The following CSGALNACT1 variants were observed in gnomAD, a reference collection of about 807,000 sequenced individuals.
CSGALNACT1 encodes chondroitin sulfate N-acetylgalactosaminyltransferase 1.
CSGALNACT1 carries 52 observed loss-of-function variants against 51.0 expected under a neutral mutation model. The observed-to-expected ratio is 1.02, with a 90% CI of 0.82 to 1.29. CSGALNACT1 has a LOEUF of 1.29. Ranked by LOEUF, CSGALNACT1 falls within the 50% of genes most tolerant of loss-of-function variation. The probability of loss-of-function intolerance (pLI) is 0.00; values close to 1 mark genes in which losing one functional copy is unlikely to be tolerated. For missense variants in CSGALNACT1, 935 were observed against 679.2 expected, an observed-to-expected ratio of 1.38 and a Z score of -4.19; for synonymous variants, 341 against 254.4, an observed-to-expected ratio of 1.34 and a Z score of -3.24.
chr8:19,611,044 C>T (rs575062393), intron 1 of CSGALNACT1, among the ~76,000 whole-genome samples: 1 of 152,182 alleles, frequency 6.6e-6, no homozygotes, highest in Non-Finnish European at 1.5e-5. Flanking sequence ...CTCCCCCTGT[C>T]GCACGCCCTG....
chr8:19,405,759 C>CCA (rs2054008834), exon 10 of CSGALNACT1: 1 of 1,613,858 alleles, frequency 6.2e-7, no homozygotes, highest in South Asian at 1.1e-5. Flanking sequence ...AAAGTGTCTC[C>CCA]CACAATCCTT....
At chr8:19,491,219 GAATA>G (rs1174333165) in intron 4 of CSGALNACT1, among the ~76,000 whole-genome samples, 5 of 151,938 alleles carry the variant, frequency 3.3e-5, no homozygotes, top group Non-Finnish European at 7.4e-5. Flanking sequence ...AATATTTACT[GAATA>G]AATGATTTTT....
intron 6 of CSGALNACT1, among the ~76,000 whole-genome samples, chr8:19,430,585 C>A (rs531595342): frequency 6.6e-6 from 1 of 152,270 alleles, no homozygotes; most frequent in South Asian, 2.1e-4. Flanking sequence ...ATAGCAGTAG[C>A]AAAGTCTTAA....
intron 7 of CSGALNACT1, 102 bp downstream of exon 6, chr8:19,420,238 A>T (rs1477226277): frequency 3.7e-6 from 4 of 1,076,994 alleles, no homozygotes; most frequent in Non-Finnish European, 5.7e-6. Flanking sequence ...AAACAGGCTG[A>T]TTCAGAAGCA....
intron 5 of CSGALNACT1, among the ~76,000 whole-genome samples, chr8:19,448,997 C>G (rs1053590248): frequency 2.6e-5 from 4 of 152,034 alleles, no homozygotes; most frequent in Non-Finnish European, 5.9e-5. Flanking sequence ...GGGTCATCTC[C>G]CCTCCCCTGT....
intron 2 of CSGALNACT1, among the ~76,000 whole-genome samples, chr8:19,600,888 A>G (rs1306012207): frequency 6.6e-6 from 1 of 150,940 alleles, no homozygotes; most frequent in Non-Finnish European, 1.5e-5. Flanking sequence ...TAAATGAAGG[A>G]GGAAGGTGAA....
rs1343387935 is a variant in CSGALNACT1 at position 19,557,977 on chromosome 8, A to G, written c.-297+33183T>C. ...ACAAAAGACATGTAAAAATGAAAAC[A>G]TAAACAAGTAAACAAATACAGTCCC... On this transcript the variant is annotated intron_variant, in intron 3 of 9. Transcript: ENST00000454498. Among the ~76,000 whole-genome samples, 6 of 152,360 alleles carry G rather than the reference A, an allele frequency of 3.9e-5. No individual in the cohort carries two copies. In the East Asian group the frequency reaches 1.2e-3, roughly 29 times the overall value.
At chr8:19,690,504 C>T (rs2061244577) in intron 1 of CSGALNACT1, among the ~76,000 whole-genome samples, 1 of 152,152 alleles carries the variant, frequency 6.6e-6, no homozygotes, top group African/African-American at 2.4e-5. Flanking sequence ...TCTCCTAACT[C>T]AGAGTTTGAC....
At chr8:19,505,671 T>G (rs746914143) in exon 4 of CSGALNACT1, 1 of 1,614,036 alleles carries the variant, frequency 6.2e-7, no homozygotes, top group Non-Finnish European at 8.5e-7. Context: ...CTGGTACCCC[T>G]CCTTCCCCGT....
chr8:19,571,358 T>G (rs906663649), intron 3 of CSGALNACT1, among the ~76,000 whole-genome samples: 1 of 151,942 alleles, frequency 6.6e-6, no homozygotes, highest in Non-Finnish European at 1.5e-5. Flanking sequence ...CAGGGAGTCC[T>G]AGAATTCTAG....
chr8:19,519,008 T>G (rs1353225008), intron 3 of CSGALNACT1, among the ~76,000 whole-genome samples: 1 of 152,214 alleles, frequency 6.6e-6, no homozygotes, highest in African/African-American at 2.4e-5. Context: ...AGGGGGGAAC[T>G]GACGATGAGA....
In CSGALNACT1 at chr8:19,714,590, G is replaced by T. The variant is rs1307726459; in HGVS notation, c.-297+43260C>A. On this transcript the variant is annotated intron_variant, in intron 1 of 1. Coordinates refer to the CSGALNACT1 transcript ENST00000517494. Reference sequence around the variant, plus strand: ...AAAAATTTTTTCTCTTTGTGTTTTAGTTTGGGTAATTTCTATTAACTCATT... The same window carrying T: ...AAAAATTTTTTCTCTTTGTGTTTTATTTTGGGTAATTTCTATTAACTCATT... Among the ~76,000 whole-genome samples, 5 of 151,858 alleles carry T rather than the reference G, an allele frequency of 3.3e-5. No individual in the cohort carries two copies. The East Asian group carries it at 7.8e-4, about 24-fold the overall frequency.
At chr8:19,577,110 TCTC>T (rs1423702301) in intron 3 of CSGALNACT1, among the ~76,000 whole-genome samples, 1 of 152,032 alleles carries the variant, frequency 6.6e-6, no homozygotes, top group Non-Finnish European at 1.5e-5. Context: ...AGAAAGAAGA[TCTC>T]CTCTTATGTG....
At chr8:19,695,990 C>A (rs374229753) in intron 1 of CSGALNACT1, among the ~76,000 whole-genome samples, 1 of 152,088 alleles carries the variant, frequency 6.6e-6, no homozygotes, top group Non-Finnish European at 1.5e-5. Flanking sequence ...AAAAAATGAA[C>A]AGGAAAACAC....
exon 10 of CSGALNACT1, chr8:19,404,264 G>A (rs1475250960): frequency 4.5e-6 from 2 of 442,018 alleles, no homozygotes; most frequent in African/African-American, 4.1e-5. Context: ...TCAATACAAT[G>A]CATTTTTTAA....
At chr8:19,652,295 TTAA>T (rs1201197175) in intron 1 of CSGALNACT1, among the ~76,000 whole-genome samples, 1 of 152,144 alleles carries the variant, frequency 6.6e-6, no homozygotes, top group Non-Finnish European at 1.5e-5. Context: ...ATGAGGTTGA[TTAA>T]TAATAACTTT....
At chr8:19,648,183 A>G (rs1326234456) in intron 1 of CSGALNACT1, among the ~76,000 whole-genome samples, 1 of 152,200 alleles carries the variant, frequency 6.6e-6, no homozygotes, top group African/African-American at 2.4e-5. Flanking sequence ...ACACTTAAGA[A>G]TAAAGCATTA....
rs1554794191 is a variant in CSGALNACT1, at chr8:19,666,760, G to GAAAGAAAGAAAGAAAGAAAGA, written c.-544+15712_-544+15713insTCTTTCTTTCTTTCTTTCTTT. 1.8e-4 allele frequency among the ~76,000 whole-genome samples: 10 copies of GAAAGAAAGAAAGAAAGAAAGA among 56,636 alleles called. 1 individual carries two copies. Among genetic ancestry groups the GAAAGAAAGAAAGAAAGAAAGA allele is most frequent in the South Asian group, 6.7e-4 (1 of 1,486 alleles). The allele number at this position is 56,636 out of a possible 152,430, so 37.2% of individuals were successfully genotyped here. ...AGAAACACAAGAAACAAGAAAGAAA[G>GAAAGAAAGAAAGAAAGAAAGA]AAGAAAGAAAGAAAGAAAGAAAGAA... On this transcript the variant is annotated intron_variant, in intron 1 of 9. Coordinates refer to the CSGALNACT1 transcript ENST00000332246.
At chr8:19,545,528 A>C (rs1343710939) in intron 3 of CSGALNACT1, among the ~76,000 whole-genome samples, 1 of 152,148 alleles carries the variant, frequency 6.6e-6, no homozygotes, top group African/African-American at 2.4e-5. Context: ...GTGTCCTGAT[A>C]GCAAAGACTC....
Sources: allele counts gnomAD v4.1 joint callset (sites outside exome capture counted in the v4.1 genomes callset), GRCh38; gene constraint gnomAD v4.1.1; transcripts MANE v1.5; gene names NCBI Gene and HGNC (gene_info 2026-07-23, HGNC 2026-07-21).